The following OTUD4 variants were observed in gnomAD, a reference collection of about 807,000 sequenced individuals.
OTUD4 encodes OTU deubiquitinase 4, also known as OTU domain-containing protein 4.
Under a neutral mutation model 130.4 loss-of-function variants are expected in OTUD4, and 24 were observed. The observed-to-expected ratio is 0.18, with a 90% CI of 0.13 to 0.26. The LOEUF (loss-of-function observed/expected upper bound fraction) is 0.26, where lower values mean the gene tolerates loss of function less well. Ranked by LOEUF, OTUD4 falls within the 10% of genes least tolerant of loss-of-function variation. OTUD4 has a pLI of 1.00. For synonymous variants in OTUD4, 420 were observed against 472.5 expected (o/e 0.89, Z 1.44); for missense variants, 1,031 against 1,329.4 (o/e 0.78, Z 3.49).
chr4:145,173,638 T>C (rs1259945167), intron 2 of OTUD4, among the ~76,000 whole-genome samples: 1 of 152,040 alleles, frequency 6.6e-6, no homozygotes, highest in Non-Finnish European at 1.5e-5. Context: ...AAAACAAGGT[T>C]TCAAGCCTAT....
intron 6 of OTUD4, 129 bp from the exon 7 acceptor site, chr4:145,159,764 C>G: frequency 1.2e-6 from 1 of 804,390 alleles, no homozygotes; most frequent in Non-Finnish European, 1.9e-6. Context: ...TCTGCTAAAC[C>G]TTATGGTCAA....
intron 3 of OTUD4, among the ~76,000 whole-genome samples, chr4:145,166,704 G>A (rs557362456): frequency 6.6e-6 from 1 of 152,286 alleles, no homozygotes; most frequent in South Asian, 2.1e-4. Context: ...AGTCGGGCCT[G>A]GTGGCACATG....
chr4:145,162,276 G>A (rs542336922), intron 6 of OTUD4, among the ~76,000 whole-genome samples: 2 of 152,176 alleles, frequency 1.3e-5, no homozygotes, highest in African/African-American at 4.8e-5. Context: ...GTATAAGGCC[G>A]GGCACGGTAG....
rs777883769 is a variant in OTUD4 at position 145,150,900 on chromosome 4, G to A, written c.974C>T (p.Thr325Ile). Residue 325 changes from threonine (T) to isoleucine (I), a missense_variant, in exon 12 of 21, where the codon ACA becomes ATA. Physicochemically the swap from Thr to Ile is moderately conservative, Grantham distance 89. Transcript: ENST00000447906. ...VLVEELGKKHTSKNLKAPPPE... is the reference protein window; with the variant it reads ...VLVEELGKKHISKNLKAPPPE... ...GGGAGGTGCCTTGAGGTTCTTTGAT[G>A]TGTGCCTTCAAAGGGGAAAAGACTT... 2 of 1,609,684 alleles carry A rather than the reference G, an allele frequency of 1.2e-6. No homozygotes were observed. Among genetic ancestry groups the A allele is most frequent in the South Asian group, 2.2e-5 (2 of 90,492 alleles).
At chr4:145,179,288 T>C (rs189985574) in intron 1 of OTUD4, among the ~76,000 whole-genome samples, 5 of 152,196 alleles carry the variant, frequency 3.3e-5, no homozygotes, top group Non-Finnish European at 5.9e-5. Flanking sequence ...AAAAGGCTGG[T>C]TTTCTCAAAC....
chr4:145,171,357 C>T (rs1752156395), intron 3 of OTUD4: 2 of 216,284 alleles, frequency 9.2e-6, no homozygotes, highest in Non-Finnish European at 1.8e-5. Flanking sequence ...TCACCCTGTC[C>T]AAGTTCCATA....
Position 145,179,772 on chromosome 4 carries a change from TC to T in OTUD4, c.159+42del. 3.8e-6 allele frequency: 3 copies of T among 788,422 alleles called. No individual in the cohort carries two copies. The South Asian group carries it at 4.9e-5, about 13-fold the overall frequency. 48.8% of individuals were successfully genotyped at this position (788,422 alleles called of 1,614,324 possible). A position where few individuals can be genotyped will look rare whatever the true frequency, so the allele number is the denominator to read the frequency against. ...CTCCCCACCCAGACCCGCCGGGCCGTCCCCGCCTCCCCTCGAAGCCCTCCCC... is the reference window on the plus strand; with the variant it reads ...CTCCCCACCCAGACCCGCCGGGCCGTCCCGCCTCCCCTCGAAGCCCTCCCC... On this transcript the variant is annotated intron_variant, in intron 1 of 20. Coordinates refer to ENST00000447906, the MANE Select transcript of OTUD4 (RefSeq NM_001366057.1).
chr4:145,176,884 A>G (rs1752454448), intron 1 of OTUD4, among the ~76,000 whole-genome samples: 1 of 152,222 alleles, frequency 6.6e-6, no homozygotes, highest in Non-Finnish European at 1.5e-5. Flanking sequence ...TTACGCTGAG[A>G]TACACTGAAA....
At chr4:145,176,288 G>A (rs1752419420) in intron 1 of OTUD4, among the ~76,000 whole-genome samples, 1 of 151,190 alleles carries the variant, frequency 6.6e-6, no homozygotes, top group Non-Finnish European at 1.5e-5. Context: ...ACCGTAAAGG[G>A]TTATGGTTTA....
chr4:145,171,971 A>G lies in OTUD4; in HGVS notation c.244-251T>C, dbSNP rs563045568. On this transcript the variant is annotated intron_variant, in intron 2 of 20. Transcript: ENST00000447906. ...GGTTTCCTGAAAGAAGAGTGACTCA[A>G]GATGAATGCTGGACAGGATCTGGAT... Among the ~76,000 whole-genome samples, 7 of 152,370 alleles carry G rather than the reference A, an allele frequency of 4.6e-5. No homozygotes were observed. The South Asian group carries it at 1.4e-3, about 32-fold the overall frequency.
In OTUD4 at chr4:145,150,615, C is replaced by A. The variant is rs746389673; in HGVS notation, c.1157G>T (p.Gly386Val). 6.2e-7 allele frequency: 1 copy of A among 1,613,362 alleles called. No homozygotes were observed. Among genetic ancestry groups the A allele is most frequent in the Non-Finnish European group, 8.5e-7 (1 of 1,179,374 alleles). Residue 386 changes from glycine (G) to valine (V), a missense_variant, in exon 13 of 21, where the codon GGA (glycine) becomes GTA (valine). Physicochemically the swap from Gly to Val is moderately radical, Grantham distance 109 (BLOSUM62 -3). Coordinates refer to ENST00000447906, the MANE Select transcript of OTUD4 (RefSeq NM_001366057.1). Reference sequence around the variant, plus strand: ...ACTAGAGAACGCATGTTGTCTTACTCCTGAAGGATGCTGCAGTCGAGGAGG... The same window carrying A: ...ACTAGAGAACGCATGTTGTCTTACTACTGAAGGATGCTGCAGTCGAGGAGG... ...ALPPRLQHPS[G>V]VRQHAFSSHS...
At chr4:145,141,672 A>T (rs374591680) in intron 18 of OTUD4, 33 bp from the exon 19 acceptor site, 26 of 1,501,548 alleles carry the variant, frequency 1.7e-5, no homozygotes, top group Non-Finnish European at 2.2e-5. Context: ...TCAAAATGAC[A>T]AAAGATGAAA....
intron 10 of OTUD4, among the ~76,000 whole-genome samples, chr4:145,154,463 TG>T (rs1319874873): frequency 6.6e-6 from 1 of 152,262 alleles, no homozygotes. Context: ...TGCCAGTGGC[TG>T]TTTTAAAGTA....
At chr4:145,174,580 G>A (rs563476681) in intron 2 of OTUD4, 81 bp downstream of exon 2, 6 of 773,194 alleles carry the variant, frequency 7.8e-6, no homozygotes, top group African/African-American at 1.7e-5. Context: ...TCCAGCCTGT[G>A]AAATTCTACT....
chr4:145,150,526 A>C lies in OTUD4; in HGVS notation c.1246T>G (p.Ser416Ala). 6.2e-7 allele frequency: 1 copy of C among 1,605,338 alleles called. No homozygotes were observed. The highest frequency in any genetic ancestry group is 2.2e-5 in the East Asian group (1 of 44,656). The change falls in exon 13 of 21, where the codon TCA (serine) becomes GCA (alanine). Residue 416 changes from serine to alanine, a missense_variant. Physicochemically the swap from Ser to Ala is moderately conservative, Grantham distance 99. Coordinates refer to ENST00000447906, the MANE Select transcript of OTUD4 (RefSeq NM_001366057.1). ...CAAGAAGGTTACCTTATGATCTGTG[A>C]AGGTGTCCGGCTAAGATTTTTGTGC... ...SEHKNLSRTP[S>A]QIIRKPDRER...
At chr4:145,172,656 T>C (rs772082548) in intron 2 of OTUD4, among the ~76,000 whole-genome samples, 12 of 152,218 alleles carry the variant, frequency 7.9e-5, no homozygotes, top group Admixed American at 1.3e-4. Context: ...TATACTCCCT[T>C]GTCTATAAAA....
At chr4:145,143,800 C>T (rs1419114378) in intron 16 of OTUD4, 146 bp downstream of exon 16, 4 of 640,172 alleles carry the variant, frequency 6.2e-6, no homozygotes, top group East Asian at 5.5e-5. Flanking sequence ...ACTTCTCAAT[C>T]CCCATCATCT....
In OTUD4 at chr4:145,134,655, T is replaced by G; in HGVS notation, c.*2775A>C. Reference sequence around the variant, plus strand: ...GCAGGGTCTGAGCTTAGGTCTGCCATGAAAATGAATTTGTGGGTTATCAGT... The same window carrying G: ...GCAGGGTCTGAGCTTAGGTCTGCCAGGAAAATGAATTTGTGGGTTATCAGT... On this transcript the variant is annotated 3_prime_UTR_variant, in exon 21 of 21. Transcript: ENST00000447906. 1 of 398,754 alleles carries G rather than the reference T, an allele frequency of 2.5e-6. No homozygotes were observed. Among genetic ancestry groups the G allele is most frequent in the African/African-American group, 2.1e-5 (1 of 48,724 alleles). 24.7% of individuals were successfully genotyped at this position (398,754 alleles called of 1,614,324 possible).
At chr4:145,144,731 A>G (rs2126748536) in intron 14 of OTUD4, among the ~76,000 whole-genome samples, 1 of 152,188 alleles carries the variant, frequency 6.6e-6, no homozygotes, top group African/African-American at 2.4e-5. Flanking sequence ...TTTACCCTAC[A>G]ATTTTTCTTT....
Sources: allele counts gnomAD v4.1 joint callset (sites outside exome capture counted in the v4.1 genomes callset), GRCh38; gene constraint gnomAD v4.1.1; transcripts MANE v1.5; gene names NCBI Gene and HGNC (gene_info 2026-07-23, HGNC 2026-07-21).